Variants in RASGRP3 observed in about 807,000 individuals in gnomAD.
The protein encoded by RASGRP3 is RAS guanyl releasing protein 3, also known as ras guanyl-releasing protein 3.
In RASGRP3, 54 loss-of-function variants were observed where a neutral mutation model predicts 82.7. That is an observed-to-expected ratio of 0.65 (90% CI 0.52 to 0.82). RASGRP3 has a LOEUF of 0.82. RASGRP3 is among the 40% of genes least tolerant of loss of function. The pLI is 0.00. For missense variants in RASGRP3, 861 were observed against 828.9 expected (o/e 1.04, Z -0.48); for synonymous variants, 309 against 300.5 (o/e 1.03, Z -0.29).
chr2:33,446,907 G>A (rs1665529992), intron 1 of RASGRP3, among the ~76,000 whole-genome samples: 1 of 151,980 alleles, frequency 6.6e-6, no homozygotes, highest in South Asian at 2.1e-4. Flanking sequence ...ACTTTGGGAG[G>A]CCGAGGCGGG....
Position 33,562,792 on chromosome 2 carries a change from G to C in RASGRP3, c.*55G>C. 1 of 1,586,732 alleles carries C rather than the reference G, an allele frequency of 6.3e-7. No individual in the cohort carries two copies. The highest frequency in any genetic ancestry group is 1.3e-5 in the African/African-American group (1 of 74,388). ...TGTTGGCTTTTGGAAGGGGCAAGAC[G>C]AGAAACTCTGAAGAAAGCTCTGACT... On this transcript the variant is annotated 3_prime_UTR_variant, in exon 18 of 18. Coordinates refer to ENST00000403687, the MANE Select transcript of RASGRP3 (RefSeq NM_001139488.2).
intron 2 of RASGRP3, among the ~76,000 whole-genome samples, chr2:33,462,424 GGCTGGAGTACAGTGGT>G (rs2150901169): frequency 6.7e-6 from 1 of 149,874 alleles, no homozygotes; most frequent in East Asian, 1.9e-4. Flanking sequence ...CTGTTGGCCA[GGCTGGAGTACAGTGGT>G]GCGATCGGCA....
chr2:33,549,144 T>G (rs946857340), intron 13 of RASGRP3, among the ~76,000 whole-genome samples: 1 of 151,926 alleles, frequency 6.6e-6, no homozygotes, highest in African/African-American at 2.4e-5. Flanking sequence ...AAGATATGAG[T>G]GAAAATATCA....
intron 7 of RASGRP3, among the ~76,000 whole-genome samples, chr2:33,523,461 TAAA>T (rs74978733): frequency 1.8e-3 from 267 of 144,714 alleles, no homozygotes; most frequent in Non-Finnish European, 2.2e-3. Flanking sequence ...GACAGTCGGT[TAAA>T]AAAAAAAAAA....
upstream of RASGRP3, among the ~76,000 whole-genome samples, chr2:33,473,036 T>C (rs184961821): frequency 6.6e-6 from 1 of 151,348 alleles, no homozygotes; most frequent in Non-Finnish European, 1.5e-5. Context: ...AGTTTAGTTG[T>C]GGAGGGAATG....
In RASGRP3 at chr2:33,451,626, G is replaced by A. The variant is rs115662616; in HGVS notation, c.-261+3683G>A. On this transcript the variant is annotated intron_variant, in intron 2 of 18. Transcript: ENST00000402538. ...ATTTTTGTATGTAACGTAAGGGTTC[G>A]ATTTCATTTACTGCTGCTTTCAAAG... Among the ~76,000 whole-genome samples, 1,385 of 152,022 alleles carry A rather than the reference G, an allele frequency of 9.1e-3. 16 individuals carry two copies. The highest frequency in any genetic ancestry group is 0.031 in the African/African-American group (1,277 of 41,500).
intron 2 of RASGRP3, among the ~76,000 whole-genome samples, chr2:33,455,505 A>G (rs115752257): frequency 1.1e-3 from 161 of 152,378 alleles, no homozygotes; most frequent in Non-Finnish European, 2.0e-3. Flanking sequence ...ACAGGCAATG[A>G]ACTTCATTAA....
chr2:33,530,323 A>T (rs892065411), intron 10 of RASGRP3, among the ~76,000 whole-genome samples: 2 of 152,142 alleles, frequency 1.3e-5, no homozygotes, highest in Non-Finnish European at 2.9e-5. Flanking sequence ...TTCATCAACA[A>T]TTATGAAATG....
chr2:33,452,680 G>T (rs1231347716), intron 2 of RASGRP3, among the ~76,000 whole-genome samples: 1 of 152,242 alleles, frequency 6.6e-6, no homozygotes, highest in East Asian at 1.9e-4. Flanking sequence ...CCACACAAGG[G>T]CTAGCCTGGT....
intron 1 of RASGRP3, among the ~76,000 whole-genome samples, chr2:33,485,921 A>AT (rs2150948765): frequency 6.6e-6 from 1 of 152,324 alleles, no homozygotes; most frequent in African/African-American, 2.4e-5. Flanking sequence ...TTCTGCAACT[A>AT]TTTGGAACAC....
intron 14 of RASGRP3, among the ~76,000 whole-genome samples, chr2:33,552,065 CCTT>C (rs1675429301): frequency 6.6e-6 from 1 of 152,198 alleles, no homozygotes; most frequent in Non-Finnish European, 1.5e-5. Flanking sequence ...GCTCTCTAGT[CCTT>C]CTGTCCTGCC....
chr2:33,537,120 TG>T (rs1673691599), intron 11 of RASGRP3, among the ~76,000 whole-genome samples: 1 of 151,716 alleles, frequency 6.6e-6, no homozygotes, highest in Non-Finnish European at 1.5e-5. Flanking sequence ...CTTAGCAGGA[TG>T]GGGAGCTGGA....
Position 33,539,087 on chromosome 2 carries a change from T to A in RASGRP3, c.1162-7T>A, listed in dbSNP as rs1396588777. ...GAAAAATATGTGGTTTTTTTTTTGT[T>A]TATCAGCAGCCTACCTCCCCTACGA... is the stretch of plus-strand genomic sequence containing the variant. On this transcript the variant is annotated splice_region_variant and splice_polypyrimidine_tract_variant and intron_variant, in intron 11 of 17. Transcript: ENST00000403687. 1 of 1,562,630 alleles carries A rather than the reference T, an allele frequency of 6.4e-7. No individual in the cohort carries two copies. The highest frequency in any genetic ancestry group is 8.7e-7 in the Non-Finnish European group (1 of 1,152,588).
At chr2:33,494,363 G>A (rs980535012) in intron 1 of RASGRP3, among the ~76,000 whole-genome samples, 1 of 152,134 alleles carries the variant, frequency 6.6e-6, no homozygotes, top group Non-Finnish European at 1.5e-5. Flanking sequence ...CTGGTTTCTG[G>A]TTTTCCTTTT....
intron 2 of RASGRP3, among the ~76,000 whole-genome samples, chr2:33,512,209 T>C (rs1020076660): frequency 1.3e-5 from 2 of 152,200 alleles, no homozygotes; most frequent in East Asian, 3.9e-4. Flanking sequence ...CCAGTTTCTT[T>C]GCAGATCAGA....
At chr2:33,506,424 A>C (rs769351719) in intron 1 of RASGRP3, among the ~76,000 whole-genome samples, 1 of 152,232 alleles carries the variant, frequency 6.6e-6, no homozygotes, top group Middle Eastern at 3.2e-3. Flanking sequence ...CTTATCCATG[A>C]AATGGAGATA....
chr2:33,507,247 T>C (rs1662261376), intron 1 of RASGRP3, among the ~76,000 whole-genome samples: 10 of 151,906 alleles, frequency 6.6e-5, no homozygotes. Context: ...ATACAAAAAT[T>C]AGCTGGGCAT....
chr2:33,558,411 C>T, intron 16 of RASGRP3, 75 bp downstream of exon 16: 2 of 1,604,972 alleles, frequency 1.2e-6, no homozygotes, highest in Admixed American at 3.3e-5. Context: ...CATTTAGGTT[C>T]TGGGTCTAAA....
At chr2:33,543,755 T>A in intron 13 of RASGRP3, 128 bp downstream of exon 13, 1 of 651,132 alleles carries the variant, frequency 1.5e-6, no homozygotes, top group Non-Finnish European at 2.6e-6. Context: ...TGAGCCAGGT[T>A]TAATTTGTCA....
Sources: gnomAD v4.1 joint callset for allele counts (sites outside exome capture counted in the v4.1 genomes callset) on GRCh38, gnomAD v4.1.1 for gene constraint, MANE v1.5 for transcripts, NCBI Gene and HGNC (gene_info 2026-07-23, HGNC 2026-07-21) for gene names.